Variants in CECR2 observed in about 807,000 individuals in gnomAD.
CECR2 encodes CECR2 histone acetyl-lysine reader.
Under a neutral mutation model 154.5 loss-of-function variants are expected in CECR2, and 30 were observed. The ratio of observed to expected loss-of-function variants is 0.19; its 90% CI spans 0.15 to 0.26. The LOEUF is 0.26. CECR2 is among the 10% of genes least tolerant of loss of function. The pLI, the probability that CECR2 is intolerant of heterozygous loss-of-function variation, is 1.00. For missense variants in CECR2, 1,743 were observed against 1,829.3 expected, an observed-to-expected ratio of 0.95 and a Z score of 0.86; for synonymous variants, 725 against 683.7, an observed-to-expected ratio of 1.06 and a Z score of -0.94.
chr22:17,364,977 C>A (rs2062994057), upstream of CECR2, among the ~76,000 whole-genome samples: 2 of 152,090 alleles, frequency 1.3e-5, no homozygotes, highest in Non-Finnish European at 2.9e-5. Context: ...ATAATCCCAG[C>A]ACTCTGGGAG....
intron 1 of CECR2, among the ~76,000 whole-genome samples, chr22:17,441,110 G>A (rs8142264): frequency 0.29 from 43,294 of 151,568 alleles, 8,723 homozygotes; most frequent in African/African-American, 0.54. Context: ...CACCACGCCC[G>A]GCTAATTTTT....
At chr22:17,425,022 T>C (rs1235574985) in intron 1 of CECR2, among the ~76,000 whole-genome samples, 1 of 152,278 alleles carries the variant, frequency 6.6e-6, no homozygotes, top group Non-Finnish European at 1.5e-5. Flanking sequence ...CTTCTTTCTT[T>C]ACAGTGTCTA....
intron 1 of CECR2, among the ~76,000 whole-genome samples, chr22:17,445,579 A>G (rs4296516): frequency 2.1e-5 from 3 of 141,808 alleles, no homozygotes; most frequent in Non-Finnish European, 3.0e-5. Flanking sequence ...TATTATTATT[A>G]TTATTATTAT....
chr22:17,361,958 G>T lies in CECR2; in HGVS notation c.-364+1935G>T, dbSNP rs777841256. 2.0e-5 allele frequency among the ~76,000 whole-genome samples: 3 copies of T among 152,258 alleles called. No homozygotes were observed. In the South Asian group the frequency reaches 6.2e-4, roughly 32 times the overall value. Reference sequence around the variant, plus strand: ...TTAGTTAGAGAAAGAGGTGGAAGGGGTGAGTTGGGAGACACTGCAGTAGGC... The same window carrying T: ...TTAGTTAGAGAAAGAGGTGGAAGGGTTGAGTTGGGAGACACTGCAGTAGGC... On this transcript the variant is annotated intron_variant, in intron 1 of 18. Coordinates refer to the CECR2 transcript ENST00000400585.
Position 17,540,587 on chromosome 22 carries a change from C to G in CECR2, c.1671C>G (p.Ser557=), listed in dbSNP as rs932750684. ...GTGGGAGCCATGTTTGGACCCGCTCCAGGGACCCAGAAGGGTCCAGCAGGA... is the reference window on the plus strand; with the variant it reads ...GTGGGAGCCATGTTTGGACCCGCTCGAGGGACCCAGAAGGGTCCAGCAGGA... ...RSGGSHVWTR[S]RDPEGSSRKQ... Residue 557 remains serine, a synonymous_variant, in exon 14 of 19, where the codon TCC becomes TCG. Coordinates refer to ENST00000262608, the MANE Select transcript of CECR2 (RefSeq NM_001290047.2). The G allele has an allele frequency of 6.2e-7, 1 of 1,613,050 alleles. No homozygotes were observed. Among genetic ancestry groups the G allele is most frequent in the Non-Finnish European group, 8.5e-7 (1 of 1,179,456 alleles).
At chr22:17,469,944 G>A (rs577137456) in intron 1 of CECR2, among the ~76,000 whole-genome samples, 28 of 152,222 alleles carry the variant, frequency 1.8e-4, no homozygotes, top group African/African-American at 5.8e-4. Context: ...TTTGCTATTT[G>A]AGGGCAGGGT....
At chr22:17,550,204 G>T (rs1471940908) in intron 17 of CECR2, 2 of 153,124 alleles carry the variant, frequency 1.3e-5, no homozygotes, top group African/African-American at 4.8e-5. Flanking sequence ...GTGGAGTGCA[G>T]TGGTACGATC....
chr22:17,436,759 G>A (rs2054512774), intron 1 of CECR2, among the ~76,000 whole-genome samples: 1 of 152,234 alleles, frequency 6.6e-6, no homozygotes, highest in South Asian at 2.1e-4. Context: ...GGGCGGAGGA[G>A]AAGGTAAGTG....
intron 4 of CECR2, among the ~76,000 whole-genome samples, chr22:17,499,805 C>T (rs760731927): frequency 1.3e-5 from 2 of 152,298 alleles, no homozygotes; most frequent in Non-Finnish European, 2.9e-5. Flanking sequence ...CCTCTTGCCA[C>T]AGGCTATTTT....
intron 1 of CECR2, among the ~76,000 whole-genome samples, chr22:17,467,761 A>C (rs1160777004): frequency 6.6e-6 from 1 of 151,594 alleles, no homozygotes; most frequent in Non-Finnish European, 1.5e-5. Flanking sequence ...CAGCCTGCAC[A>C]ACAAAAGCAA....
chr22:17,451,512 A>G (rs1474247786), intron 1 of CECR2, among the ~76,000 whole-genome samples: 2 of 148,370 alleles, frequency 1.3e-5, no homozygotes, highest in African/African-American at 5.3e-5. Context: ...AAAATTTAGA[A>G]GGACTCACAT....
chr22:17,412,652 G>T (rs2054084270), intron 1 of CECR2, among the ~76,000 whole-genome samples: 1 of 152,168 alleles, frequency 6.6e-6, no homozygotes, highest in Admixed American at 6.5e-5. Flanking sequence ...CTTGCTAAAG[G>T]AAAATTAGGA....
At chr22:17,416,966 A>G (rs1229181521) in intron 1 of CECR2, among the ~76,000 whole-genome samples, 5 of 151,992 alleles carry the variant, frequency 3.3e-5, no homozygotes, top group Non-Finnish European at 7.4e-5. Context: ...GTGTCACAGT[A>G]TGAATCTTTT....
chr22:17,549,489 A>G lies in CECR2; in HGVS notation c.4202A>G (p.Gln1401Arg). Residue 1401 changes from glutamine to arginine, a missense_variant, in exon 17 of 19, where the codon CAA becomes CGA. Gln to Arg is a conservative substitution (Grantham distance 43). Coordinates refer to ENST00000262608, the MANE Select transcript of CECR2 (RefSeq NM_001290047.2). ...CAGGAAGAAGGCCTGGGTCACTTTC[A>G]AGCTGTGATGATGGAACAAATTGGC... ...RCQEEGLGHF[Q>R]AVMMEQIGTR... 1.9e-6 allele frequency: 3 copies of G among 1,609,608 alleles called. No homozygotes were observed. The highest frequency in any genetic ancestry group is 2.5e-6 in the Non-Finnish European group (3 of 1,177,928).
intron 8 of CECR2, among the ~76,000 whole-genome samples, chr22:17,516,888 C>T (rs2056066591): frequency 6.6e-6 from 1 of 151,712 alleles, no homozygotes; most frequent in Non-Finnish European, 1.5e-5. Context: ...GCCACTGCGC[C>T]CAGCTGATCT....
At chr22:17,497,317 A>G (rs1369465905) in intron 2 of CECR2, 86 bp from the exon 3 acceptor site, 51 of 1,334,188 alleles carry the variant, frequency 3.8e-5, no homozygotes, top group Non-Finnish European at 5.1e-5. Context: ...GTTAGCTGTC[A>G]GATCATGAGT....
At chr22:17,551,133 A>G (rs1049844083) in intron 17 of CECR2, among the ~76,000 whole-genome samples, 8 of 152,162 alleles carry the variant, frequency 5.3e-5, no homozygotes, top group Admixed American at 3.9e-4. Context: ...AAGCTGTTGG[A>G]AAGTAAATTG....
chr22:17,363,675 G>A (rs186024971), intron 1 of CECR2, among the ~76,000 whole-genome samples: 1 of 151,812 alleles, frequency 6.6e-6, no homozygotes, highest in Non-Finnish European at 1.5e-5. Flanking sequence ...TTACTCTGTT[G>A]CTCAGGCTGG....
intron 3 of CECR2, 64 bp from the exon 4 acceptor site, chr22:17,499,346 C>G (rs1054420907): frequency 1.9e-6 from 3 of 1,558,850 alleles, no homozygotes; most frequent in Non-Finnish European, 1.7e-6. Context: ...AATCCTCGTT[C>G]TGGTTTTTTC....
Sources: allele counts gnomAD v4.1 joint callset (sites outside exome capture counted in the v4.1 genomes callset), GRCh38; gene constraint gnomAD v4.1.1; transcripts MANE v1.5; gene names NCBI Gene and HGNC (gene_info 2026-07-23, HGNC 2026-07-21).